TMEM135: variants seen among roughly 807,000 people sequenced by gnomAD.
The protein encoded by TMEM135 is peroxisomal membrane protein 52.
TMEM135 carries 30 observed loss-of-function variants against 60.3 expected under a neutral mutation model. The ratio of observed to expected loss-of-function variants is 0.50; its 90% CI spans 0.37 to 0.68. TMEM135 has a LOEUF of 0.68. Among genes scored for constraint, TMEM135 ranks in the 30% least tolerant of loss-of-function variants. TMEM135 has a pLI of 0.00. For synonymous variants in TMEM135, 190 were observed against 186.7 expected, an observed-to-expected ratio of 1.02 and a Z score of -0.14; for missense variants, 468 against 548.8, an observed-to-expected ratio of 0.85 and a Z score of 1.47.
At chr11:87,066,229 T>C (rs1241614373) in intron 1 of TMEM135, among the ~76,000 whole-genome samples, 1 of 152,204 alleles carries the variant, frequency 6.6e-6, no homozygotes, top group Non-Finnish European at 1.5e-5. Flanking sequence ...TTCCCTATTA[T>C]GTTCTAACCT....
intron 4 of TMEM135, among the ~76,000 whole-genome samples, chr11:87,132,302 C>T (rs1937955307): frequency 6.6e-6 from 1 of 152,092 alleles, no homozygotes; most frequent in South Asian, 2.1e-4. Flanking sequence ...ATAACACATA[C>T]AGTACCTAAG....
At chr11:87,101,816 A>G (rs1180876192) in intron 4 of TMEM135, among the ~76,000 whole-genome samples, 2 of 152,166 alleles carry the variant, frequency 1.3e-5, no homozygotes, top group African/African-American at 4.8e-5. Context: ...TCTACTAAAA[A>G]AACAAAATTA....
intron 4 of TMEM135, 57 bp downstream of exon 4, chr11:87,091,452 C>G (rs1857202496): frequency 1.3e-6 from 2 of 1,555,480 alleles, no homozygotes; most frequent in African/African-American, 1.4e-5. Flanking sequence ...TTTTTAAAAT[C>G]AAGTTTTCTT....
chr11:87,203,970 T>G (rs1940179089), intron 5 of TMEM135, among the ~76,000 whole-genome samples: 1 of 152,194 alleles, frequency 6.6e-6, no homozygotes, highest in African/African-American at 2.4e-5. Flanking sequence ...ATCATTTCTT[T>G]TCTTTTCTCC....
In TMEM135 at chr11:87,058,616, C is replaced by T. The variant is rs542337190; in HGVS notation, c.142-9078C>T. 3.2e-4 allele frequency among the ~76,000 whole-genome samples: 49 copies of T among 151,894 alleles called. 1 individual carries two copies. The South Asian group carries it at 9.3e-3, about 29-fold the overall frequency. On this transcript the variant is annotated intron_variant, in intron 1 of 14. Coordinates refer to ENST00000305494, the MANE Select transcript of TMEM135 (RefSeq NM_022918.4). ...ATAAATTGTTTTTTAAAAACAAGGT[C>T]TTATTTTATTTTATTTTATTTTTGA...
Position 87,134,357 on chromosome 11 carries a change from T to G in TMEM135, c.397-22984T>G, listed in dbSNP as rs79601779. Among the ~76,000 whole-genome samples the G allele has an allele frequency of 6.1e-3, 934 of 152,344 alleles. 45 individuals carry two copies. The East Asian group carries it at 0.14, about 23-fold the overall frequency. Reference sequence around the variant, plus strand: ...CCTCCTTAAAGATCATATCTCCAAATACAGTTACATTCTGAGATATTGGGG... The same window carrying G: ...CCTCCTTAAAGATCATATCTCCAAAGACAGTTACATTCTGAGATATTGGGG... On this transcript the variant is annotated intron_variant, in intron 4 of 14. Coordinates refer to ENST00000305494, the MANE Select transcript of TMEM135 (RefSeq NM_022918.4).
intron 13 of TMEM135, 39 bp downstream of exon 13, chr11:87,318,274 C>A: frequency 7.2e-7 from 1 of 1,380,610 alleles, no homozygotes; most frequent in South Asian, 1.2e-5. Flanking sequence ...TGAATGATTC[C>A]TGTTTCTAAT....
In TMEM135 at chr11:87,081,348, ATTTTC is replaced by A. The variant is rs1329798307; in HGVS notation, c.362+9738_362+9742del. Among the ~76,000 whole-genome samples, 11 of 140,770 alleles carry A rather than the reference ATTTTC, an allele frequency of 7.8e-5. No homozygotes were observed. In the East Asian group the frequency reaches 2.3e-3, roughly 30 times the overall value. 92.4% of individuals were successfully genotyped at this position (140,770 alleles called of 152,430 possible). A position where few individuals can be genotyped will look rare whatever the true frequency, so the allele number is the denominator to read the frequency against. On this transcript the variant is annotated intron_variant, in intron 3 of 14. Transcript: ENST00000305494. ...TTCCACTGTAATTTTTTTTTTCGTT[ATTTTC>A]TTTTAGTGCTTGCTCTATAGACTAC...
At chr11:87,178,364 T>C in intron 5 of TMEM135, 1 of 454,784 alleles carries the variant, frequency 2.2e-6, no homozygotes. Context: ...AAACTCTCTT[T>C]TTCTGAAAAT....
At chr11:87,277,654 T>G (rs1444435197) in intron 6 of TMEM135, among the ~76,000 whole-genome samples, 1 of 151,850 alleles carries the variant, frequency 6.6e-6, no homozygotes, top group Non-Finnish European at 1.5e-5. Flanking sequence ...CCCTAGTAAT[T>G]GGGATTACAG....
intron 5 of TMEM135, among the ~76,000 whole-genome samples, chr11:87,166,729 A>G (rs377528144): frequency 1.4e-5 from 2 of 147,528 alleles, no homozygotes; most frequent in Non-Finnish European, 3.0e-5. Flanking sequence ...AGTTTGAAGT[A>G]AGGTAGTGTG....
chr11:87,180,803 G>A (rs1361672578), intron 5 of TMEM135, among the ~76,000 whole-genome samples: 6 of 152,132 alleles, frequency 3.9e-5, no homozygotes, highest in Admixed American at 6.6e-5. Flanking sequence ...TATTAAAAAC[G>A]AAAACAAAAA....
At chr11:87,143,867 G>A (rs1938332934) in intron 4 of TMEM135, among the ~76,000 whole-genome samples, 1 of 152,108 alleles carries the variant, frequency 6.6e-6, no homozygotes, top group Non-Finnish European at 1.5e-5. Context: ...GAACCGCTGG[G>A]GAGTTTGGTG....
chr11:87,281,863 G>T (rs539204595), intron 6 of TMEM135, among the ~76,000 whole-genome samples: 11 of 152,298 alleles, frequency 7.2e-5, no homozygotes, highest in Non-Finnish European at 1.5e-4. Flanking sequence ...TTACCCTAAG[G>T]TACAAAATGA....
chr11:87,059,476 T>C (rs546608251), intron 1 of TMEM135, among the ~76,000 whole-genome samples: 2 of 151,990 alleles, frequency 1.3e-5, no homozygotes, highest in Non-Finnish European at 2.9e-5. Flanking sequence ...CTACCACGCC[T>C]GGCTAATTTT....
intron 5 of TMEM135, among the ~76,000 whole-genome samples, chr11:87,227,586 G>T (rs556427570): frequency 6.6e-6 from 1 of 152,122 alleles, no homozygotes; most frequent in Admixed American, 6.5e-5. Context: ...TATTATGGGA[G>T]ATTTTAATTA....
At chr11:87,182,766 T>C (rs1939551613) in intron 5 of TMEM135, among the ~76,000 whole-genome samples, 1 of 152,110 alleles carries the variant, frequency 6.6e-6, no homozygotes, top group African/African-American at 2.4e-5. Context: ...GAGCTATGGT[T>C]TCTGCTTTCA....
intron 3 of TMEM135, among the ~76,000 whole-genome samples, chr11:87,077,067 C>G (rs1327506071): frequency 6.6e-6 from 1 of 152,230 alleles, no homozygotes; most frequent in Admixed American, 6.5e-5. Flanking sequence ...TTACCCACCA[C>G]TACAATCAAT....
chr11:87,105,967 T>G (rs2512348), intron 4 of TMEM135, among the ~76,000 whole-genome samples: 61,858 of 152,020 alleles, frequency 0.41, 13,751 homozygotes, highest in East Asian at 0.65. Flanking sequence ...ATCATTCTGC[T>G]GTCTGTCTCC....
Sources: gnomAD v4.1 joint callset for allele counts (sites outside exome capture counted in the v4.1 genomes callset) on GRCh38, gnomAD v4.1.1 for gene constraint, MANE v1.5 for transcripts, NCBI Gene and HGNC (gene_info 2026-07-23, HGNC 2026-07-21) for gene names.